The following CAPS2 variants were observed in gnomAD, a reference collection of about 807,000 sequenced individuals.
The protein encoded by CAPS2 is calcyphosine 2.
CAPS2 carries 98 observed loss-of-function variants against 86.5 expected under a neutral mutation model. That is an observed-to-expected ratio of 1.13 (90% CI 0.96 to 1.34). CAPS2 has a LOEUF of 1.34. Ranked by LOEUF, CAPS2 falls within the 40% of genes most tolerant of loss-of-function variation. The pLI is 0.00. For synonymous variants in CAPS2, 210 were observed against 225.1 expected (o/e 0.93, Z 0.60); for missense variants, 729 against 686.8 (o/e 1.06, Z -0.69).
chr12:75,356,571 A>C (rs1201895722), intron 1 of CAPS2, among the ~76,000 whole-genome samples: 1 of 152,218 alleles, frequency 6.6e-6, no homozygotes, highest in Non-Finnish European at 1.5e-5. Context: ...CCAACAAAGC[A>C]GGTAAAATGG....
chr12:75,279,044 A>G (rs149243719), exon 17 of CAPS2: 12 of 1,599,042 alleles, frequency 7.5e-6, no homozygotes, highest in African/African-American at 1.3e-5. Flanking sequence ...GGATGATTTG[A>G]TTTCTTCCTC....
chr12:75,350,847 A>G (rs1414800769), intron 1 of CAPS2, among the ~76,000 whole-genome samples: 1 of 152,206 alleles, frequency 6.6e-6, no homozygotes, highest in Non-Finnish European at 1.5e-5. Flanking sequence ...TGAGGCTGAG[A>G]TGGACGAATT....
At chr12:75,384,825 T>C (rs913519309) in intron 1 of CAPS2, among the ~76,000 whole-genome samples, 1 of 148,544 alleles carries the variant, frequency 6.7e-6, no homozygotes, top group African/African-American at 2.5e-5. Flanking sequence ...TGGAATTTAT[T>C]CCAGATTGCT....
Position 75,279,079 on chromosome 12 carries a change from C to T in CAPS2, c.1613-14G>A. 6.4e-7 allele frequency: 1 copy of T among 1,552,410 alleles called. No homozygotes were observed. Among genetic ancestry groups the T allele is most frequent in the Non-Finnish European group, 8.7e-7 (1 of 1,155,244 alleles). On this transcript the variant is annotated splice_polypyrimidine_tract_variant and intron_variant, in intron 16 of 16. Coordinates refer to ENST00000393284, the Ensembl canonical transcript of CAPS2. ...CTGTTGAATGGCCTATAAAATAGTA[C>T]TGAGTATGAAACAGTTTCCTGAAAA...
At chr12:75,347,973 A>G (rs2042565904) in intron 1 of CAPS2, among the ~76,000 whole-genome samples, 1 of 152,194 alleles carries the variant, frequency 6.6e-6, no homozygotes, top group Non-Finnish European at 1.5e-5. Flanking sequence ...GTTTAAAAAA[A>G]GAGATAATAT....
At chr12:75,301,784 T>A (rs1168167081) in intron 8 of CAPS2, among the ~76,000 whole-genome samples, 1 of 152,156 alleles carries the variant, frequency 6.6e-6, no homozygotes, top group East Asian at 1.9e-4. Context: ...GGCCCTATAG[T>A]CTTCTTGAAA....
At chr12:75,280,814 C>T (rs1334303188) in intron 16 of CAPS2, among the ~76,000 whole-genome samples, 1 of 151,754 alleles carries the variant, frequency 6.6e-6, no homozygotes, top group East Asian at 1.9e-4. Context: ...AACCAAATCT[C>T]ATGATTTCAT....
intron 12 of CAPS2, among the ~76,000 whole-genome samples, chr12:75,292,734 ATATATTTTT>A (rs902344659): frequency 3.4e-4 from 51 of 147,852 alleles, no homozygotes; most frequent in African/African-American, 1.2e-3. Context: ...TCACAGGAAT[ATATATTTTT>A]TAATCAAAAT....
At position 75,347,787 on chromosome 12, in the gene CAPS2, A is replaced by C. The variant is rs2042554626; in HGVS notation, c.-394-24565T>G. 8 of 1,010,124 alleles carry C rather than the reference A, an allele frequency of 7.9e-6. No individual in the cohort carries two copies. The South Asian group carries it at 1.1e-4, about 14-fold the overall frequency. The allele number at this position is 1,010,124 out of a possible 1,614,324, so 62.6% of individuals were successfully genotyped here. On this transcript the variant is annotated intron_variant, in intron 1 of 5. Coordinates refer to the CAPS2 transcript ENST00000551829. ...ATGTTGATGATGGTTGCCAAATAAG[A>C]GGACCTTATACTAGACACAAGTGTA...
At chr12:75,355,751 G>A (rs762646283) in intron 1 of CAPS2, among the ~76,000 whole-genome samples, 7 of 152,150 alleles carry the variant, frequency 4.6e-5, no homozygotes, top group Non-Finnish European at 1.0e-4. Flanking sequence ...TGACAGACTG[G>A]ATAAAGAAAA....
At chr12:75,276,321 C>A, downstream of CAPS2, 1 of 1,492,798 alleles carries the variant, frequency 6.7e-7, no homozygotes, top group Non-Finnish European at 8.9e-7. Context: ...CTCATAAAAG[C>A]ATGTTACATA....
intron 9 of CAPS2, among the ~76,000 whole-genome samples, chr12:75,299,209 T>G (rs1216902661): frequency 1.3e-5 from 2 of 152,204 alleles, no homozygotes; most frequent in Non-Finnish European, 2.9e-5. Context: ...ATATTTACGA[T>G]GTACATTATT....
intron 1 of CAPS2, among the ~76,000 whole-genome samples, chr12:75,335,092 T>G (rs973832925): frequency 5.3e-5 from 8 of 152,208 alleles, no homozygotes; most frequent in Admixed American, 5.2e-4. Flanking sequence ...AAAGGAAGAC[T>G]TGAAGCTGTT....
chr12:75,334,577 C>G, upstream of CAPS2: 2 of 1,436,656 alleles, frequency 1.4e-6, no homozygotes, highest in Non-Finnish European at 9.1e-7. Flanking sequence ...CACAGCGACA[C>G]TGACAAGTTG....
chr12:75,316,177 C>T, intron 6 of CAPS2, 135 bp downstream of exon 6: 1 of 1,106,878 alleles, frequency 9.0e-7, no homozygotes, highest in Non-Finnish European at 1.3e-6. Flanking sequence ...AATGAGGACT[C>T]AATTTTCCAT....
chr12:75,349,941 A>G (rs1427489603), intron 1 of CAPS2, among the ~76,000 whole-genome samples: 1 of 152,124 alleles, frequency 6.6e-6, no homozygotes, highest in Non-Finnish European at 1.5e-5. Flanking sequence ...CTTACATTGG[A>G]CTCCCTGCTG....
chr12:75,357,793 A>G (rs2043249652), intron 1 of CAPS2, among the ~76,000 whole-genome samples: 1 of 152,026 alleles, frequency 6.6e-6, no homozygotes, highest in African/African-American at 2.4e-5. Context: ...AGAAGTTAGA[A>G]AGTATGCTGA....
chr12:75,333,675 A>G (rs1284418458), upstream of CAPS2: 1 of 152,216 alleles, frequency 6.6e-6, no homozygotes, highest in Non-Finnish European at 1.5e-5. Context: ...AAAAGATAGT[A>G]GCTGCATCAA....
intron 16 of CAPS2, 57 bp downstream of exon 16, chr12:75,282,194 T>A: frequency 5.4e-6 from 5 of 924,266 alleles, no homozygotes; most frequent in Non-Finnish European, 9.0e-6. Flanking sequence ...TATAAAGATA[T>A]TATCTTTATT....
Sources: allele counts gnomAD v4.1 joint callset (sites outside exome capture counted in the v4.1 genomes callset), GRCh38; gene constraint gnomAD v4.1.1; transcripts MANE v1.5; gene names NCBI Gene and HGNC (gene_info 2026-07-23, HGNC 2026-07-21).